Variants in GALNTL6 observed in about 807,000 individuals in gnomAD.
The protein encoded by GALNTL6 is polypeptide N-acetylgalactosaminyltransferase-like 6.
A neutral mutation model predicts 73.7 loss-of-function variants in GALNTL6; 46 were observed. That is an observed-to-expected ratio of 0.62 (90% CI 0.49 to 0.80). The LOEUF (loss-of-function observed/expected upper bound fraction) is 0.80, where lower values mean the gene tolerates loss of function less well. GALNTL6 is among the 30% of genes least tolerant of loss of function. The pLI is 0.00. For missense variants in GALNTL6, 604 were observed against 755.0 expected, an observed-to-expected ratio of 0.80 and a Z score of 2.34; for synonymous variants, 259 against 263.7, an observed-to-expected ratio of 0.98 and a Z score of 0.17.
At chr4:172,894,954 G>T (rs1181624050) in intron 8 of GALNTL6, among the ~76,000 whole-genome samples, 4 of 142,618 alleles carry the variant, frequency 2.8e-5, no homozygotes, top group African/African-American at 1.0e-4. Flanking sequence ...TTTTTTTACA[G>T]TTTTTTTTTT....
chr4:172,705,233 T>A (rs1734268925), intron 5 of GALNTL6, among the ~76,000 whole-genome samples: 1 of 151,368 alleles, frequency 6.6e-6, no homozygotes, highest in Admixed American at 6.6e-5. Context: ...TGTTTTATGG[T>A]TGTTTTGTAG....
intron 4 of GALNTL6, among the ~76,000 whole-genome samples, chr4:172,341,461 A>G (rs1490037293): frequency 4.0e-5 from 6 of 151,668 alleles, no homozygotes; most frequent in South Asian, 2.1e-4. Context: ...AAAAAAAAAA[A>G]AAAAAAAAAA....
At chr4:172,850,648 G>T (rs1190378582) in intron 7 of GALNTL6, among the ~76,000 whole-genome samples, 6 of 152,032 alleles carry the variant, frequency 3.9e-5, no homozygotes, top group Admixed American at 2.0e-4. Flanking sequence ...CAGGTGAAAA[G>T]CTTAGTCCCA....
chr4:172,375,612 C>T (rs11938416), intron 5 of GALNTL6, among the ~76,000 whole-genome samples: 3,112 of 152,292 alleles, frequency 0.02, 100 homozygotes, highest in African/African-American at 0.07. Flanking sequence ...CTGCAATGGT[C>T]CCTGGACCCT....
rs148916558 is a variant in GALNTL6 at position 172,402,469 on chromosome 4, A to G, written c.553+53780A>G. Among the ~76,000 whole-genome samples the G allele has an allele frequency of 1.1e-4, 16 of 152,212 alleles. No homozygotes were observed. In the East Asian group the frequency reaches 2.9e-3, roughly 28 times the overall value. ...CACTTAAAGCGTAATTTTAAATCCA[A>G]AGCAGTTAACTGCCATTACTGGAAC... On this transcript the variant is annotated intron_variant, in intron 5 of 12. Coordinates refer to ENST00000506823, the MANE Select transcript of GALNTL6 (RefSeq NM_001034845.3).
chr4:172,401,845 A>G (rs1267481413), intron 5 of GALNTL6, among the ~76,000 whole-genome samples: 1 of 150,786 alleles, frequency 6.6e-6, no homozygotes, highest in Admixed American at 6.7e-5. Context: ...TCCAGTGAAG[A>G]ATATTCTTAA....
intron 5 of GALNTL6, among the ~76,000 whole-genome samples, chr4:172,428,323 A>G (rs956805539): frequency 6.6e-6 from 1 of 152,198 alleles, no homozygotes; most frequent in Non-Finnish European, 1.5e-5. Flanking sequence ...TAAAATCAGT[A>G]TATCTGAATG....
chr4:172,092,583 C>A (rs1438373859), intron 2 of GALNTL6, among the ~76,000 whole-genome samples: 1 of 151,954 alleles, frequency 6.6e-6, no homozygotes. Context: ...AATAAAATCA[C>A]AGATCACTAT....
chr4:172,943,227 G>C (rs1734485284), intron 9 of GALNTL6, among the ~76,000 whole-genome samples: 1 of 152,002 alleles, frequency 6.6e-6, no homozygotes, highest in Non-Finnish European at 1.5e-5. Context: ...CCTGTAGAAT[G>C]GCCCATGTCG....
intron 5 of GALNTL6, among the ~76,000 whole-genome samples, chr4:172,573,996 A>G (rs949345471): frequency 1.3e-5 from 2 of 152,084 alleles, no homozygotes; most frequent in African/African-American, 4.8e-5. Flanking sequence ...TCCACTATTA[A>G]CACCACTTCT....
chr4:172,062,259 A>G (rs1731230774), intron 2 of GALNTL6, among the ~76,000 whole-genome samples: 1 of 151,988 alleles, frequency 6.6e-6, no homozygotes, highest in South Asian at 2.1e-4. Context: ...TGGCCTCCAC[A>G]TTTTGTAAGT....
chr4:172,301,061 C>A lies in GALNTL6; in HGVS notation c.248-10553C>A, dbSNP rs368822483. Among the ~76,000 whole-genome samples the A allele has an allele frequency of 9.2e-5, 14 of 152,150 alleles. No individual in the cohort carries two copies. The East Asian group carries it at 2.1e-3, about 23-fold the overall frequency. ...TCCCATATTTCTTGGAGGCTTTGTT[C>A]GTTTCTTTTTATTCTTTTTTCTCTA... On this transcript the variant is annotated intron_variant, in intron 3 of 12. Transcript: ENST00000506823.
intron 4 of GALNTL6, among the ~76,000 whole-genome samples, chr4:172,339,026 A>G (rs562304023): frequency 5.9e-5 from 9 of 152,244 alleles, no homozygotes; most frequent in East Asian, 1.9e-4. Flanking sequence ...GGCTGTTGAT[A>G]TGGGTGAGTG....
chr4:171,951,061 A>G (rs1738863224), intron 2 of GALNTL6, among the ~76,000 whole-genome samples: 1 of 152,188 alleles, frequency 6.6e-6, no homozygotes, highest in African/African-American at 2.4e-5. Context: ...ATGTACCAGG[A>G]ATAAACACAC....
At chr4:172,403,488 A>G (rs185394923) in intron 5 of GALNTL6, among the ~76,000 whole-genome samples, 70 of 152,144 alleles carry the variant, frequency 4.6e-4, no homozygotes, top group Non-Finnish European at 2.4e-4. Flanking sequence ...AAATAAAATA[A>G]TTAATTCAGA....
intron 12 of GALNTL6, among the ~76,000 whole-genome samples, chr4:173,023,423 G>C (rs1485458965): frequency 6.6e-6 from 1 of 152,196 alleles, no homozygotes; most frequent in Non-Finnish European, 1.5e-5. Flanking sequence ...TTTGGGAGGA[G>C]AGGCGGGCAG....
At chr4:172,364,936 T>A (rs1742501703) in intron 5 of GALNTL6, among the ~76,000 whole-genome samples, 1 of 152,206 alleles carries the variant, frequency 6.6e-6, no homozygotes, top group South Asian at 2.1e-4. Flanking sequence ...TGTGTCCCCA[T>A]GTAGACTATA....
intron 7 of GALNTL6, among the ~76,000 whole-genome samples, chr4:172,841,051 C>T (rs2111082195): frequency 6.6e-6 from 1 of 152,330 alleles, no homozygotes; most frequent in Non-Finnish European, 1.5e-5. Context: ...CATAGGTCTT[C>T]ATTCCTAGGA....
At chr4:172,250,319 G>T (rs760572936) in intron 3 of GALNTL6, among the ~76,000 whole-genome samples, 7 of 149,874 alleles carry the variant, frequency 4.7e-5, no homozygotes, top group African/African-American at 1.8e-4. Context: ...CATTTTGTAG[G>T]CTCATAGGCA....
Sources: gnomAD v4.1 joint callset for allele counts (sites outside exome capture counted in the v4.1 genomes callset) on GRCh38, gnomAD v4.1.1 for gene constraint, MANE v1.5 for transcripts, NCBI Gene and HGNC (gene_info 2026-07-23, HGNC 2026-07-21) for gene names.